Variants in NSDHL observed in about 807,000 individuals in gnomAD.
NSDHL encodes sterol-4-alpha-carboxylate 3-dehydrogenase, decarboxylating.
NSDHL carries 1 observed loss-of-function variant against 23.0 expected under a neutral mutation model. The ratio of observed to expected loss-of-function variants is 0.04; its 90% confidence interval spans 0.02 to 0.21. NSDHL has a LOEUF of 0.21. NSDHL is among the 10% of genes least tolerant of loss of function. The pLI, the probability that NSDHL is intolerant of heterozygous loss-of-function variation, is 1.00. For synonymous variants in NSDHL, 128 were observed against 121.1 expected (o/e 1.06, Z -0.37); for missense variants, 237 against 300.9 (o/e 0.79, Z 1.57).
intron 1 of NSDHL, among the ~76,000 whole-genome samples, chrX:152,842,065 GA>G (rs1933200248): frequency 8.9e-6 from 1 of 112,409 alleles, no homozygotes; most frequent in South Asian, 3.7e-4. Flanking sequence ...TATGGCTGAA[GA>G]ATATGCCCGT....
intron 2 of NSDHL, 28 bp from the exon 3 acceptor site, chrX:152,850,237 C>T (rs782011501): frequency 3.3e-6 from 4 of 1,207,085 alleles, no homozygotes; most frequent in Middle Eastern, 2.4e-4. Context: ...CTACCCTGGT[C>T]TTCCCCACCG....
At chrX:152,848,778 G>C (rs1420636794) in intron 2 of NSDHL, among the ~76,000 whole-genome samples, 2 of 112,161 alleles carry the variant, frequency 1.8e-5, no homozygotes, top group Non-Finnish European at 3.8e-5. Flanking sequence ...ATTCTAAATA[G>C]CTACAGTTTG....
chrX:152,858,095 T>C (rs1054490105), intron 3 of NSDHL, among the ~76,000 whole-genome samples: 2 of 112,210 alleles, frequency 1.8e-5, no homozygotes, highest in Non-Finnish European at 1.9e-5. Flanking sequence ...TTATTCTTGC[T>C]TGTGGTCAAG....
chrX:152,831,457 CCCAGA>C (rs374084702), intron 1 of NSDHL, among the ~76,000 whole-genome samples: 13 of 110,511 alleles, frequency 1.2e-4, no homozygotes, highest in African/African-American at 4.3e-4. Context: ...ATGTATAGGC[CCCAGA>C]CCAGGTTCCA....
intron 1 of NSDHL, among the ~76,000 whole-genome samples, chrX:152,837,235 C>G (rs1409258279): frequency 1.8e-5 from 2 of 111,894 alleles, no homozygotes; most frequent in African/African-American, 6.5e-5. Flanking sequence ...ATCATGTCAT[C>G]TGCAAACAGG....
At position 152,869,067 on chromosome X, in the gene NSDHL, C is replaced by G. The variant is rs781870778; in HGVS notation, c.1073C>G (p.Ala358Gly). The change falls in exon 8 of 8, where the codon GCT becomes GGT. Residue 358 changes from alanine (A) to glycine (G), a missense_variant. This residue lies in a region of NSDHL where 117 missense variants were observed against 99.5 expected (regional missense o/e 1.18). Transcript: ENST00000370274. ...GYQPLVTMDD[A>G]MERTVQSFRH... Reference sequence around the variant, plus strand: ...CAGCCACTAGTGACCATGGATGATGCTATGGAGAGGACCGTGCAGAGCTTT... The same window carrying G: ...CAGCCACTAGTGACCATGGATGATGGTATGGAGAGGACCGTGCAGAGCTTT... The G allele has an allele frequency of 1.3e-5, 16 of 1,210,706 alleles. No homozygotes were observed. The highest frequency in any genetic ancestry group is 2.3e-4 in the Middle Eastern group (1 of 4,377).
At chrX:152,841,378 T>C (rs1933189843) in intron 1 of NSDHL, among the ~76,000 whole-genome samples, 2 of 112,281 alleles carry the variant, frequency 1.8e-5, no homozygotes, top group Non-Finnish European at 3.8e-5. Flanking sequence ...AAATCACCCA[T>C]CTTCTGTGTC....
chrX:152,853,539 C>A (rs999355626), intron 3 of NSDHL, among the ~76,000 whole-genome samples: 5 of 111,646 alleles, frequency 4.5e-5, no homozygotes, highest in African/African-American at 1.6e-4. Context: ...ATGGATAAAT[C>A]AGATCACACC....
At chrX:152,867,793 C>T in intron 7 of NSDHL, 120 bp downstream of exon 7, 3 of 554,817 alleles carry the variant, frequency 5.4e-6, no homozygotes, top group South Asian at 2.5e-5. Flanking sequence ...TGCCTTAGGA[C>T]CCCCTGTGCC....
chrX:152,850,600 T>G (rs782327779), intron 3 of NSDHL, among the ~76,000 whole-genome samples, 177 bp downstream of exon 3: 1 of 112,345 alleles, frequency 8.9e-6, no homozygotes, highest in Non-Finnish European at 1.9e-5. Context: ...AACCATCATC[T>G]CTGTCACAGA....
chrX:152,853,021 A>C (rs183995389), intron 3 of NSDHL, among the ~76,000 whole-genome samples: 88 of 109,885 alleles, frequency 8.0e-4, no homozygotes, highest in Non-Finnish European at 1.4e-3. Context: ...TTCTTCTCCA[A>C]GTTTAGACAG....
At chrX:152,838,839 T>G (rs1274040695) in intron 1 of NSDHL, among the ~76,000 whole-genome samples, 4 of 111,734 alleles carry the variant, frequency 3.6e-5, no homozygotes, top group African/African-American at 1.3e-4. Flanking sequence ...CTGAGTTCAA[T>G]TCCTGGATAT....
intron 3 of NSDHL, among the ~76,000 whole-genome samples, chrX:152,854,389 C>T (rs1454722532): frequency 5.4e-5 from 6 of 110,680 alleles, no homozygotes; most frequent in African/African-American, 2.0e-4. Context: ...CAGGAGAGGA[C>T]CTTTTTTATT....
intron 1 of NSDHL, among the ~76,000 whole-genome samples, chrX:152,838,052 C>T (rs868938699): frequency 1.2e-4 from 14 of 112,001 alleles, no homozygotes; most frequent in African/African-American, 3.6e-4. Flanking sequence ...GGAATTTATC[C>T]ATTTCTTCTA....
At chrX:152,837,088 G>T (rs1043328161) in intron 1 of NSDHL, among the ~76,000 whole-genome samples, 3 of 111,939 alleles carry the variant, frequency 2.7e-5, no homozygotes, top group African/African-American at 9.8e-5. Flanking sequence ...GTTCACTCAT[G>T]ATTTGGCTCT....
At chrX:152,850,506 A>G (rs1227710289) in intron 3 of NSDHL, 83 bp downstream of exon 3, 1 of 971,663 alleles carries the variant, frequency 1.0e-6, no homozygotes, top group Non-Finnish European at 1.5e-6. Flanking sequence ...AAGCCAGCCA[A>G]TTTGTTTGAA....
intron 3 of NSDHL, among the ~76,000 whole-genome samples, chrX:152,854,148 C>T (rs1329275891): frequency 1.8e-5 from 2 of 112,162 alleles, no homozygotes; most frequent in Non-Finnish European, 3.8e-5. Flanking sequence ...GTTATTTCAG[C>T]TTTCCTTGAG....
chrX:152,863,560 A>G (rs1484480394), intron 5 of NSDHL, among the ~76,000 whole-genome samples: 1 of 112,810 alleles, frequency 8.9e-6, no homozygotes, highest in Non-Finnish European at 1.9e-5. Context: ...AGGAAAAAGT[A>G]CTTTTCCACT....
chrX:152,838,200 A>T (rs1227542218), intron 1 of NSDHL, among the ~76,000 whole-genome samples: 5 of 111,518 alleles, frequency 4.5e-5, no homozygotes, highest in Admixed American at 1.9e-4. Flanking sequence ...CTTCTTTATT[A>T]GTCTTGCTAG....
Sources: gnomAD v4.1 joint callset for allele counts (sites outside exome capture counted in the v4.1 genomes callset) on GRCh38, gnomAD v4.1.1 for gene constraint, gnomAD v4.1.1 regional missense constraint, MANE v1.5 for transcripts, NCBI Gene and HGNC (gene_info 2026-07-23, HGNC 2026-07-21) for gene names.